IL34: variants seen among roughly 807,000 people sequenced by gnomAD.
IL34 encodes the protein interleukin-34.
In IL34, 17 loss-of-function variants were observed where a neutral mutation model predicts 25.3. That is an observed-to-expected ratio of 0.67 (90% CI 0.46 to 1.01). The LOEUF (loss-of-function observed/expected upper bound fraction) is 1.01. IL34 is among the 50% of genes least tolerant of loss of function. IL34 has a pLI of 0.00. For synonymous variants in IL34, 174 were observed against 140.9 expected (o/e 1.23, Z -1.66); for missense variants, 368 against 312.9 (o/e 1.18, Z -1.33).
At chr16:70,618,125 A>G (rs1361307138) in intron 1 of IL34, among the ~76,000 whole-genome samples, 14 of 151,776 alleles carry the variant, frequency 9.2e-5, no homozygotes, top group African/African-American at 3.4e-4. Context: ...AGATTTCCAC[A>G]ATGGAAAGGA....
chr16:70,582,349 G>A (rs1238992370), intron 1 of IL34, among the ~76,000 whole-genome samples: 1 of 152,236 alleles, frequency 6.6e-6, no homozygotes, highest in African/African-American at 2.4e-5. Context: ...TGGACAGACT[G>A]GAGAGTTTCT....
At chr16:70,584,033 C>A (rs1443090665) in intron 1 of IL34, among the ~76,000 whole-genome samples, 1 of 152,200 alleles carries the variant, frequency 6.6e-6, no homozygotes, top group Non-Finnish European at 1.5e-5. Context: ...CCTTCCCCTG[C>A]CCCCAAGGCA....
chr16:70,608,456 C>T (rs1044371424), intron 1 of IL34, among the ~76,000 whole-genome samples: 1 of 152,160 alleles, frequency 6.6e-6, no homozygotes, highest in Non-Finnish European at 1.5e-5. Context: ...ACTAATTTTT[C>T]GTTCCTGAAA....
chr16:70,640,341 C>A (rs922735886), intron 1 of IL34, among the ~76,000 whole-genome samples: 4 of 152,074 alleles, frequency 2.6e-5, no homozygotes, highest in Admixed American at 1.3e-4. Context: ...GGGACAGCCT[C>A]TTGCTATATT....
chr16:70,620,678 C>T (rs544905538), intron 1 of IL34, among the ~76,000 whole-genome samples: 9 of 152,202 alleles, frequency 5.9e-5, no homozygotes, highest in East Asian at 1.9e-4. Flanking sequence ...AATGCCTGGA[C>T]GTCAGGCACC....
Position 70,619,165 on chromosome 16 carries a change from G to C in IL34, c.-400-27383G>C, listed in dbSNP as rs547497135. On this transcript the variant is annotated intron_variant, in intron 1 of 6. Transcript: ENST00000429149. ...TTTAAAAGGCCATGCTGTAGCAGAC[G>C]AGTGATAACAGGCTTTAATCTTTTT... 6.6e-5 allele frequency among the ~76,000 whole-genome samples: 10 copies of C among 152,162 alleles called. No homozygotes were observed. In the South Asian group the frequency reaches 1.7e-3, roughly 25 times the overall value.
intron 1 of IL34, among the ~76,000 whole-genome samples, chr16:70,629,108 C>T (rs529880420): frequency 2.0e-5 from 3 of 152,270 alleles, no homozygotes; most frequent in Admixed American, 6.5e-5. Flanking sequence ...TTTGTTGATT[C>T]TCTTGGATGT....
intron 1 of IL34, among the ~76,000 whole-genome samples, chr16:70,648,265 A>G (rs1210599145): frequency 1.3e-5 from 2 of 152,166 alleles, no homozygotes; most frequent in Non-Finnish European, 2.9e-5. Flanking sequence ...TGCGAATGAA[A>G]GGCAAGGGAT....
rs371228301 is a variant in IL34 at position 70,622,710 on chromosome 16, T to C, written c.-400-23838T>C. Reference sequence around the variant, plus strand: ...AAGTCCGGGCCAGGAACAATGGTAATTGTGGGACTTAAAGAGTGAGTACAG... The same window carrying C: ...AAGTCCGGGCCAGGAACAATGGTAACTGTGGGACTTAAAGAGTGAGTACAG... On this transcript the variant is annotated intron_variant, in intron 1 of 6. Coordinates refer to the IL34 transcript ENST00000429149. Among the ~76,000 whole-genome samples the C allele has an allele frequency of 3.2e-4, 48 of 152,126 alleles. No homozygotes were observed. The South Asian group carries it at 8.7e-3, about 28-fold the overall frequency.
chr16:70,653,284 G>A (rs1014397565), intron 1 of IL34, among the ~76,000 whole-genome samples: 1 of 150,904 alleles, frequency 6.6e-6, no homozygotes, highest in East Asian at 2.0e-4. Flanking sequence ...AGGCCACGAT[G>A]GAAGGACCGC....
chr16:70,611,174 C>T (rs2051085772), intron 1 of IL34, among the ~76,000 whole-genome samples: 1 of 152,144 alleles, frequency 6.6e-6, no homozygotes, highest in Non-Finnish European at 1.5e-5. Flanking sequence ...AGATGGGTTT[C>T]TCCATGTTGC....
At chr16:70,588,561 CA>C (rs751376910) in intron 1 of IL34, among the ~76,000 whole-genome samples, 20 of 151,598 alleles carry the variant, frequency 1.3e-4, no homozygotes, top group Non-Finnish European at 2.2e-4. Context: ...GGATATATAC[CA>C]AAAAGAACTA....
chr16:70,655,862 C>A (rs1299295113), intron 2 of IL34, among the ~76,000 whole-genome samples: 1 of 152,212 alleles, frequency 6.6e-6, no homozygotes, highest in African/African-American at 2.4e-5. Context: ...GCGTGAGCCA[C>A]TGCACCTGGC....
chr16:70,594,592 G>C (rs1353821644), intron 1 of IL34, among the ~76,000 whole-genome samples: 1 of 152,118 alleles, frequency 6.6e-6, no homozygotes, highest in Non-Finnish European at 1.5e-5. Flanking sequence ...TCTAATTCAA[G>C]CTCAATATCT....
chr16:70,643,074 T>C (rs1371062143), upstream of IL34, among the ~76,000 whole-genome samples: 3 of 152,168 alleles, frequency 2.0e-5, no homozygotes, highest in East Asian at 5.8e-4. Flanking sequence ...TTATTTTTAT[T>C]TATTTTTGAG....
intron 1 of IL34, among the ~76,000 whole-genome samples, chr16:70,638,393 C>A (rs2051704853): frequency 6.6e-6 from 1 of 151,400 alleles, no homozygotes; most frequent in Non-Finnish European, 1.5e-5. Flanking sequence ...GCAGAAGGAT[C>A]TTGAGCCCAG....
intron 1 of IL34, among the ~76,000 whole-genome samples, chr16:70,591,645 T>A (rs951430101): frequency 6.6e-6 from 1 of 151,696 alleles, no homozygotes; most frequent in African/African-American, 2.4e-5. Context: ...GGCAGTCACC[T>A]TGTATGGAGG....
intron 1 of IL34, among the ~76,000 whole-genome samples, chr16:70,651,168 C>T (rs1421798677): frequency 2.0e-5 from 3 of 151,644 alleles, no homozygotes; most frequent in East Asian, 1.9e-4. Context: ...AAGGGGAGAC[C>T]CTGGCGTGGT....
chr16:70,626,355 T>A (rs2051393140), intron 1 of IL34, among the ~76,000 whole-genome samples: 1 of 152,166 alleles, frequency 6.6e-6, no homozygotes, highest in African/African-American at 2.4e-5. Context: ...TACCAAAACC[T>A]TCCCACTTTA....
Sources: allele counts gnomAD v4.1 joint callset (sites outside exome capture counted in the v4.1 genomes callset), GRCh38; gene constraint gnomAD v4.1.1; transcripts MANE v1.5; gene names NCBI Gene and HGNC (gene_info 2026-07-23, HGNC 2026-07-21).